The following BLM variants were observed in gnomAD, a reference collection of about 807,000 sequenced individuals.
BLM encodes the protein BLM RecQ like helicase, also known as recQ-like DNA helicase BLM.
A neutral mutation model predicts 135.3 loss-of-function variants in BLM; 95 were observed. The ratio of observed to expected loss-of-function variants is 0.70; its 90% confidence interval spans 0.59 to 0.83. The LOEUF is 0.83. BLM is among the 40% of genes least tolerant of loss of function. BLM has a pLI of 0.00. For synonymous variants in BLM, 520 were observed against 589.2 expected (o/e 0.88, Z 1.70); for missense variants, 1,518 against 1,663.9 (o/e 0.91, Z 1.53).
At chr15:90,733,188 G>GT (rs1186735933) in intron 1 of BLM, among the ~76,000 whole-genome samples, 1 of 152,102 alleles carries the variant, frequency 6.6e-6, no homozygotes, top group African/African-American at 2.4e-5. Context: ...ATAAGAAATG[G>GT]TAAGTGGTAA....
intron 3 of BLM, 84 bp downstream of exon 3, chr15:90,750,151 T>C (rs774949686): frequency 4.9e-6 from 7 of 1,430,032 alleles, no homozygotes; most frequent in South Asian, 4.8e-5. Flanking sequence ...CATGAATATA[T>C]AGAGCTTTTG....
intron 3 of BLM, among the ~76,000 whole-genome samples, chr15:90,751,523 C>CT (rs1369296033): frequency 6.6e-6 from 1 of 152,192 alleles, no homozygotes; most frequent in Non-Finnish European, 1.5e-5. Context: ...ATACGTGTTT[C>CT]GTAATTAACC....
intron 12 of BLM, among the ~76,000 whole-genome samples, chr15:90,781,665 G>A (rs1473795675): frequency 6.6e-6 from 1 of 152,038 alleles, no homozygotes. Flanking sequence ...AATAGCTGAT[G>A]AGCTTTATAA....
chr15:90,724,475 A>G (rs1438341412), intron 1 of BLM, among the ~76,000 whole-genome samples: 2 of 152,126 alleles, frequency 1.3e-5, no homozygotes, highest in Non-Finnish European at 2.9e-5. Flanking sequence ...TTTAGCAGAC[A>G]CTGGGTGTCC....
At chr15:90,751,260 C>T (rs191496289) in intron 3 of BLM, among the ~76,000 whole-genome samples, 2 of 152,212 alleles carry the variant, frequency 1.3e-5, no homozygotes, top group South Asian at 2.1e-4. Flanking sequence ...AAGTGATTGA[C>T]GATAAGCAAA....
At chr15:90,759,755 C>T (rs1462158085) in intron 5 of BLM, among the ~76,000 whole-genome samples, 1 of 151,900 alleles carries the variant, frequency 6.6e-6, no homozygotes, top group Non-Finnish European at 1.5e-5. Flanking sequence ...TACAGACACG[C>T]ACCACCATGC....
rs762626349 is a variant in BLM, at chr15:90,811,233, G to A, written c.3903G>A (p.Leu1301=). Residue 1301 remains leucine, a synonymous_variant, in exon 21 of 22, where the codon CTG becomes CTA. Transcript: ENST00000355112. ...AAGACAGTTCCCCAGGGATAAGCCT[G>A]TCCAGCAGCAGAGGCCCCGGAAGAA... ...PAEDSSPGIS[L]SSSRGPGRSA... 1 of 1,613,762 alleles carries A rather than the reference G, an allele frequency of 6.2e-7. No homozygotes were observed. Among genetic ancestry groups the A allele is most frequent in the Non-Finnish European group, 8.5e-7 (1 of 1,180,036 alleles).
intron 8 of BLM, among the ~76,000 whole-genome samples, chr15:90,764,341 A>T (rs1896065637): frequency 6.6e-6 from 1 of 150,692 alleles, no homozygotes. Context: ...AATAAGGTTT[A>T]TTTTATTTTT....
At chr15:90,811,176 C>G in intron 20 of BLM, 29 bp from the exon 21 acceptor site, 1 of 1,610,454 alleles carries the variant, frequency 6.2e-7, no homozygotes, top group Non-Finnish European at 8.5e-7. Flanking sequence ...GCGACATCAC[C>G]TGTAAACATC....
intron 8 of BLM, among the ~76,000 whole-genome samples, chr15:90,764,459 C>G (rs1464091063): frequency 6.6e-6 from 1 of 151,802 alleles, no homozygotes; most frequent in Non-Finnish European, 1.5e-5. Flanking sequence ...ACAATCCCCC[C>G]CACCTTAGCC....
intron 1 of BLM, among the ~76,000 whole-genome samples, chr15:90,727,840 G>A (rs1036078180): frequency 2.0e-5 from 3 of 151,304 alleles, no homozygotes; most frequent in African/African-American, 7.3e-5. Flanking sequence ...TGTACACTGA[G>A]TCCCATGAGT....
chr15:90,741,686 T>C (rs1489700182), intron 1 of BLM, among the ~76,000 whole-genome samples: 1 of 152,248 alleles, frequency 6.6e-6, no homozygotes, highest in Non-Finnish European at 1.5e-5. Flanking sequence ...AAGTTCTAAT[T>C]ATCTATTGTT....
At chr15:90,771,787 T>C (rs1387148519) in intron 12 of BLM, among the ~76,000 whole-genome samples, 1 of 152,200 alleles carries the variant, frequency 6.6e-6, no homozygotes, top group Non-Finnish European at 1.5e-5. Context: ...ATGCCTATAG[T>C]TAAATGATAA....
intron 1 of BLM, among the ~76,000 whole-genome samples, chr15:90,740,297 A>G (rs1895331446): frequency 1.3e-5 from 2 of 152,138 alleles, no homozygotes; most frequent in Admixed American, 6.5e-5. Flanking sequence ...GGATATGTCT[A>G]TTCTTATACA....
chr15:90,736,557 C>G (rs1220575690), intron 1 of BLM, among the ~76,000 whole-genome samples: 1 of 152,146 alleles, frequency 6.6e-6, no homozygotes, highest in Non-Finnish European at 1.5e-5. Flanking sequence ...CCGTGCCCGG[C>G]CTTACGTTTT....
At position 90,747,471 on chromosome 15, in the gene BLM, C is replaced by A. The variant is rs1368566341; in HGVS notation, c.79C>A (p.Leu27Ile). 1.9e-6 allele frequency: 3 copies of A among 1,606,380 alleles called. No homozygotes were observed. The highest frequency in any genetic ancestry group is 2.6e-6 in the Non-Finnish European group (3 of 1,174,856). The change falls in exon 2 of 22, where the codon CTT becomes ATT. Residue 27 changes from leucine (L) to isoleucine (I), a missense_variant. Coordinates refer to ENST00000355112, the MANE Select transcript of BLM (RefSeq NM_000057.4). ...CAGAACACTTAATAATAAATTAAGT[C>A]TTTCAAAACCAAAATTTTCGTAAGT... ...SARTLNNKLS[L>I]SKPKFSGFTF...
At chr15:90,742,380 T>A (rs1452393433) in intron 1 of BLM, among the ~76,000 whole-genome samples, 5 of 152,136 alleles carry the variant, frequency 3.3e-5, no homozygotes, top group Admixed American at 3.3e-4. Context: ...CAGAAACATC[T>A]AAATGTTACT....
At position 90,785,034 on chromosome 15, in the gene BLM, GC is replaced by G; in HGVS notation, c.2778del (p.Arg927GlufsTer35). The G allele has an allele frequency of 6.2e-7, 1 of 1,614,152 alleles. No homozygotes were observed. The highest frequency in any genetic ancestry group is 8.5e-7 in the Non-Finnish European group (1 of 1,180,034). ...TTACCATGCTGGCCTCAGTGATTCT[GC>G]CAGAGATGAAGTGCAGCAGAAGTGG... ...LAYHAGLSDS[A>X]RDEVQQKWIN... is the part of the protein sequence containing the mutation. On this transcript the variant is annotated frameshift_variant, in exon 14 of 22. Transcript: ENST00000355112. LOFTEE classifies it high-confidence loss of function.
At chr15:90,784,494 G>A (rs1303878697) in intron 13 of BLM, among the ~76,000 whole-genome samples, 1 of 151,620 alleles carries the variant, frequency 6.6e-6, no homozygotes, top group Non-Finnish European at 1.5e-5. Context: ...CACCACACCT[G>A]GCTGATTTTT....
Sources: gnomAD v4.1 joint callset for allele counts (sites outside exome capture counted in the v4.1 genomes callset) on GRCh38, gnomAD v4.1.1 for gene constraint, MANE v1.5 for transcripts, NCBI Gene and HGNC (gene_info 2026-07-23, HGNC 2026-07-21) for gene names.